The following APLF variants were observed in gnomAD, a reference collection of about 807,000 sequenced individuals.
APLF encodes the protein aprataxin and PNK-like factor.
Under a neutral mutation model 55.6 loss-of-function variants are expected in APLF, and 61 were observed. The ratio of observed to expected loss-of-function variants is 1.10; its 90% confidence interval spans 0.89 to 1.36. The LOEUF is 1.36. APLF is among the 40% of genes most tolerant of loss of function. APLF has a pLI of 0.00. For synonymous variants in APLF, 207 were observed against 214.8 expected, an observed-to-expected ratio of 0.96 and a Z score of 0.32; for missense variants, 611 against 602.5, an observed-to-expected ratio of 1.01 and a Z score of -0.15.
intron 8 of APLF, among the ~76,000 whole-genome samples, chr2:68,550,291 G>A (rs1229816450): frequency 6.6e-6 from 1 of 152,074 alleles, no homozygotes; most frequent in African/African-American, 2.4e-5. Flanking sequence ...GGGTGCAGTG[G>A]CGCAATCTCG....
chr2:68,501,395 T>C (rs544156077), intron 2 of APLF, among the ~76,000 whole-genome samples: 1 of 151,842 alleles, frequency 6.6e-6, no homozygotes, highest in Non-Finnish European at 1.5e-5. Flanking sequence ...GGAAGGGTAA[T>C]AGAGATCGGT....
At chr2:68,493,233 A>G (rs1362707319) in intron 2 of APLF, among the ~76,000 whole-genome samples, 1 of 152,190 alleles carries the variant, frequency 6.6e-6, no homozygotes, top group Non-Finnish European at 1.5e-5. Flanking sequence ...GGACTTATGT[A>G]TGTGGAAATT....
At position 68,473,026 on chromosome 2, in the gene APLF, T is replaced by C. The variant is rs528685650; in HGVS notation, c.96+5199T>C. Among the ~76,000 whole-genome samples, 21 of 152,300 alleles carry C rather than the reference T, an allele frequency of 1.4e-4. 1 individual carries two copies. In the East Asian group the frequency reaches 3.3e-3, roughly 24 times the overall value. On this transcript the variant is annotated intron_variant, in intron 1 of 9. Coordinates refer to ENST00000303795, the MANE Select transcript of APLF (RefSeq NM_173545.3). ...ATGAATCCACATTGACATGTCATTA[T>C]CACCCAAAGTTCATGGTTTACACTG...
intron 6 of APLF, chr2:68,528,507 G>T: frequency 2.0e-6 from 3 of 1,533,914 alleles, no homozygotes; most frequent in Middle Eastern, 4.6e-4. Context: ...CGGGACCTGT[G>T]GCCGGCAGCT....
chr2:68,484,134 T>G (rs1292552874), intron 1 of APLF, among the ~76,000 whole-genome samples: 1 of 151,700 alleles, frequency 6.6e-6, no homozygotes, highest in Non-Finnish European at 1.5e-5. Context: ...TCCATTTTGT[T>G]TGACTTCAAT....
At position 68,502,876 on chromosome 2, in the gene APLF, C is replaced by G. The variant is rs751442514; in HGVS notation, c.314C>G (p.Ser105Cys). 6.2e-7 allele frequency: 1 copy of G among 1,604,394 alleles called. No homozygotes were observed. The highest frequency in any genetic ancestry group is 8.5e-7 in the Non-Finnish European group (1 of 1,176,790). ...ATTTTCCGCATTCTCTCTATACCCT[C>G]TGAAGTGGAAATGCAATGTACCTTA... ...KYIFRILSIP[S>C]EVEMQCTLRN... is the part of the protein sequence containing the mutation. Residue 105 changes from serine (S) to cysteine (C), a missense_variant, in exon 3 of 10, where the codon TCT becomes TGT. Ser to Cys is a moderately radical substitution (Grantham distance 112). Transcript: ENST00000303795.
intron 3 of APLF, among the ~76,000 whole-genome samples, chr2:68,512,002 G>A (rs1669392976): frequency 6.6e-6 from 1 of 151,676 alleles, no homozygotes; most frequent in Admixed American, 6.6e-5. Context: ...TTCTCAGCTA[G>A]ACACACTTCT....
chr2:68,553,283 C>T (rs1433585282), intron 8 of APLF, among the ~76,000 whole-genome samples: 1 of 152,010 alleles, frequency 6.6e-6, no homozygotes, highest in African/African-American at 2.4e-5. Context: ...TCCAGGTCAG[C>T]AAAATAATAG....
At chr2:68,535,560 T>C (rs952939521) in intron 6 of APLF, among the ~76,000 whole-genome samples, 4 of 151,872 alleles carry the variant, frequency 2.6e-5, no homozygotes, top group Non-Finnish European at 5.9e-5. Context: ...TATTTCATAG[T>C]AAGAATATAA....
intron 3 of APLF, among the ~76,000 whole-genome samples, chr2:68,504,122 G>C (rs995500263): frequency 6.6e-6 from 1 of 151,822 alleles, no homozygotes; most frequent in African/African-American, 2.4e-5. Context: ...AAACAAAACT[G>C]ATGCAGGAAA....
chr2:68,490,129 T>G, intron 1 of APLF, 61 bp from the exon 2 acceptor site: 20 of 1,306,154 alleles, frequency 1.5e-5, no homozygotes, highest in Non-Finnish European at 2.1e-5. Context: ...GTTTGCCTTT[T>G]TGTTTTGTTG....
chr2:68,528,912 C>T, intron 6 of APLF: 1 of 1,523,830 alleles, frequency 6.6e-7, no homozygotes, highest in Non-Finnish European at 8.8e-7. Context: ...GAGGTGGAGG[C>T]TGCTTCCCCA....
At chr2:68,537,765 G>A in intron 6 of APLF, 107 bp from the exon 7 acceptor site, 1 of 792,344 alleles carries the variant, frequency 1.3e-6, no homozygotes, top group African/African-American at 1.8e-5. Flanking sequence ...GAATCTTGAA[G>A]TTTTAAGTTT....
chr2:68,514,362 T>G (rs1669513661), intron 5 of APLF, among the ~76,000 whole-genome samples: 1 of 151,824 alleles, frequency 6.6e-6, no homozygotes, highest in Non-Finnish European at 1.5e-5. Flanking sequence ...TGATTTTCTA[T>G]TGATACTGGA....
intron 3 of APLF, among the ~76,000 whole-genome samples, chr2:68,508,448 A>G (rs958415160): frequency 1.3e-5 from 2 of 151,938 alleles, no homozygotes; most frequent in African/African-American, 4.8e-5. Flanking sequence ...TGCACACCAT[A>G]TAAAAATTAA....
chr2:68,506,257 T>C (rs10208940), intron 3 of APLF, among the ~76,000 whole-genome samples: 32,630 of 145,854 alleles, frequency 0.22, 5,777 homozygotes, highest in African/African-American at 0.5. Flanking sequence ...AGTTATTAGA[T>C]TAGAAGCCAT....
At position 68,529,979 on chromosome 2, in the gene APLF, G is replaced by T. The variant is rs1237724153; in HGVS notation, c.804+3737G>T. 3.9e-5 allele frequency among the ~76,000 whole-genome samples: 6 copies of T among 152,248 alleles called. No homozygotes were observed. The highest frequency in any genetic ancestry group is 5.9e-5 in the Non-Finnish European group (4 of 68,042). On this transcript the variant is annotated intron_variant, in intron 6 of 9. Transcript: ENST00000303795. This position sits in a 1 kb window ranked among gnomAD's most constrained non-coding sequence, Gnocchi z 4.4. Reference sequence around the variant, plus strand: ...TGGAGCCAGGCCCGCCTTCTCCATGGCTGCTGTGGCCTCAAGGGCCACCAG... The same window carrying T: ...TGGAGCCAGGCCCGCCTTCTCCATGTCTGCTGTGGCCTCAAGGGCCACCAG...
rs777116731 is a variant in APLF at position 68,526,201 on chromosome 2, T to C, written c.763T>C (p.Cys255Arg). Residue 255 changes from cysteine (C) to arginine (R), a missense_variant, in exon 6 of 10, where the codon TGC (cysteine) becomes CGC (arginine). Physicochemically the swap from Cys to Arg is radical, Grantham distance 180. Transcript: ENST00000303795. ...AGCAGAACAAGACACAGGAGAAGAGTGCAAAAATACTGATCAGGAAGAGTC... is the reference window on the plus strand; with the variant it reads ...AGCAGAACAAGACACAGGAGAAGAGCGCAAAAATACTGATCAGGAAGAGTC... ...TSAEQDTGEE[C>R]KNTDQEESTI... 5.6e-6 allele frequency: 9 copies of C among 1,611,946 alleles called. No homozygotes were observed. The highest frequency in any genetic ancestry group is 8.5e-7 in the Non-Finnish European group (1 of 1,179,470).
Position 68,501,508 on chromosome 2 carries a change from ATAT to A in APLF, c.169-1219_169-1217del, listed in dbSNP as rs753004476. The stretch of plus-strand genomic sequence containing the variant: ...GCTTATTTGTTTTAAAAACCCAGTG[ATAT>A]TATGACAAAATGCCTATTTGACTTA... On this transcript the variant is annotated intron_variant, in intron 2 of 9. Transcript: ENST00000303795. 6.8e-4 allele frequency among the ~76,000 whole-genome samples: 103 copies of A among 152,022 alleles called. 2 individuals are homozygous for A. Among genetic ancestry groups the A allele is most frequent in the South Asian group, 4.1e-4 (2 of 4,830 alleles).
Sources: gnomAD v4.1 joint callset for allele counts (sites outside exome capture counted in the v4.1 genomes callset) on GRCh38, gnomAD v4.1.1 for gene constraint, Gnocchi (gnomAD v3.1) non-coding constraint, MANE v1.5 for transcripts, NCBI Gene and HGNC (gene_info 2026-07-23, HGNC 2026-07-21) for gene names.